The following FBN2 variants were observed in gnomAD, a reference collection of about 807,000 sequenced individuals.
FBN2 encodes fibrillin-2.
Under a neutral mutation model 355.6 loss-of-function variants are expected in FBN2, and 105 were observed. The ratio of observed to expected loss-of-function variants is 0.30; its 90% CI spans 0.25 to 0.35. The LOEUF is 0.35. Among genes scored for constraint, FBN2 ranks in the 10% least tolerant of loss-of-function variants. The pLI, the probability that FBN2 is intolerant of heterozygous loss-of-function variation, is 1.00. For synonymous variants in FBN2, 1,350 were observed against 1,301.2 expected (o/e 1.04, Z -0.81); for missense variants, 3,280 against 3,758.7 (o/e 0.87, Z 3.33).
chr5:128,356,440 A>G (rs1751505856), intron 20 of FBN2, among the ~76,000 whole-genome samples: 1 of 152,266 alleles, frequency 6.6e-6, no homozygotes, highest in Non-Finnish European at 1.5e-5. Context: ...TGGCTAGATA[A>G]TAAAAACTGC....
intron 5 of FBN2, among the ~76,000 whole-genome samples, chr5:128,492,004 C>T (rs1217537953): frequency 6.6e-6 from 1 of 151,980 alleles, no homozygotes; most frequent in Non-Finnish European, 1.5e-5. Context: ...ATAGTTTCTC[C>T]TTTTGTAAAA....
At chr5:128,502,108 G>C (rs1415629630) in intron 5 of FBN2, among the ~76,000 whole-genome samples, 1 of 152,002 alleles carries the variant, frequency 6.6e-6, no homozygotes, top group Non-Finnish European at 1.5e-5. Flanking sequence ...TCAGGCTAGA[G>C]TCAGACTTCT....
chr5:128,489,574 T>C (rs775106666), intron 5 of FBN2, among the ~76,000 whole-genome samples: 2 of 152,180 alleles, frequency 1.3e-5, no homozygotes, highest in African/African-American at 2.4e-5. Context: ...TGAGAAATGA[T>C]AAAATGATTT....
intron 7 of FBN2, among the ~76,000 whole-genome samples, chr5:128,429,936 C>T (rs993389113): frequency 3.3e-5 from 5 of 152,068 alleles, no homozygotes; most frequent in African/African-American, 1.2e-4. Flanking sequence ...TTTTCTGTTA[C>T]AAAACATCTT....
At chr5:128,287,458 C>T (rs781186638) in intron 53 of FBN2, 28 bp from the exon 54 acceptor site, 2 of 1,613,048 alleles carry the variant, frequency 1.2e-6, no homozygotes, top group East Asian at 4.5e-5. Context: ...CAGGAATGTG[C>T]TCAGCCTAGA....
intron 52 of FBN2, 81 bp from the exon 53 acceptor site, chr5:128,288,638 T>A (rs997287822): frequency 2.0e-6 from 3 of 1,517,264 alleles, no homozygotes; most frequent in Admixed American, 1.7e-5. Flanking sequence ...TGCTTGGCCC[T>A]CACCCATTTC....
At chr5:128,338,313 A>C (rs954444728) in intron 26 of FBN2, among the ~76,000 whole-genome samples, 191 bp from the exon 27 acceptor site, 7 of 152,166 alleles carry the variant, frequency 4.6e-5, no homozygotes, top group Non-Finnish European at 8.8e-5. Flanking sequence ...TCTACTCTTA[A>C]AGGTAGTAAG....
At chr5:128,269,213 G>A (rs533920886) in intron 62 of FBN2, among the ~76,000 whole-genome samples, 150 of 150,594 alleles carry the variant, frequency 1.0e-3, no homozygotes, top group African/African-American at 3.5e-3. Context: ...CCAGGAGTTC[G>A]AAACCAGCCT....
chr5:128,265,229 TCTC>T (rs1231702845), intron 62 of FBN2, among the ~76,000 whole-genome samples: 1 of 152,174 alleles, frequency 6.6e-6, no homozygotes, highest in Non-Finnish European at 1.5e-5. Context: ...GCAGTGTTTC[TCTC>T]CTAACAGGGA....
At chr5:128,364,842 T>C (rs1475358277) in intron 17 of FBN2, 117 bp from the exon 18 acceptor site, 2 of 849,502 alleles carry the variant, frequency 2.4e-6, no homozygotes, top group Non-Finnish European at 3.9e-6. Flanking sequence ...AAACTCACAA[T>C]TTGCCTGCCT....
chr5:128,525,080 T>C (rs540762244), intron 4 of FBN2, among the ~76,000 whole-genome samples: 11 of 152,224 alleles, frequency 7.2e-5, no homozygotes, highest in African/African-American at 2.6e-4. Flanking sequence ...CCCTCATACA[T>C]ACATACACAC....
rs944576479 is a variant in FBN2 at position 128,507,831 on chromosome 5, G to A, written c.628+11442C>T. ...AGCAGTGCTAAAGTTTTCTATGCCC[G>A]TATTGACTTCTTACCTACTCTCAAT... On this transcript the variant is annotated intron_variant, in intron 5 of 64. Transcript: ENST00000262464. Among the ~76,000 whole-genome samples, 8 of 152,074 alleles carry A rather than the reference G, an allele frequency of 5.3e-5. 1 individual carries two copies. Among genetic ancestry groups the A allele is most frequent in the South Asian group, 2.1e-4 (1 of 4,824 alleles).
At chr5:128,448,302 TTTTC>T (rs1396004665) in intron 6 of FBN2, among the ~76,000 whole-genome samples, 1 of 151,836 alleles carries the variant, frequency 6.6e-6, no homozygotes, top group African/African-American at 2.4e-5. Flanking sequence ...AATATCCTAA[TTTTC>T]TTTCTTTTTT....
At chr5:128,458,250 A>G (rs1754456664) in intron 6 of FBN2, among the ~76,000 whole-genome samples, 1 of 152,138 alleles carries the variant, frequency 6.6e-6, no homozygotes. Context: ...AAAGGGAACA[A>G]TTCAACAAGA....
At chr5:128,445,072 T>C (rs1378669956) in intron 7 of FBN2, among the ~76,000 whole-genome samples, 1 of 152,228 alleles carries the variant, frequency 6.6e-6, no homozygotes, top group African/African-American at 2.4e-5. Context: ...TGGGTGCTTC[T>C]TCAGGTAATT....
At chr5:128,318,092 G>C in intron 36 of FBN2, 57 bp downstream of exon 36, 3 of 1,553,482 alleles carry the variant, frequency 1.9e-6, no homozygotes, top group East Asian at 2.2e-5. Context: ...ATTATCAAGA[G>C]AGTCTGAATA....
chr5:128,393,154 T>C lies in FBN2; in HGVS notation c.1446A>G (p.Gly482=). ...ACTTACTTAGTCCAGTGATGATAGG[T>C]CCCTGTCCCCCGGCCCCCACACCGG... ...GGAGVGAGGQ[G]PIITGLTILN... The change falls in exon 10 of 65, where the codon GGA becomes GGG. Residue 482 remains glycine (G), a synonymous_variant. Transcript: ENST00000262464. 1.2e-6 allele frequency: 2 copies of C among 1,613,762 alleles called. No homozygotes were observed. Among genetic ancestry groups the C allele is most frequent in the Non-Finnish European group, 1.7e-6 (2 of 1,179,732 alleles).
chr5:128,314,037 G>A (rs749602942), intron 36 of FBN2, among the ~76,000 whole-genome samples: 6 of 151,164 alleles, frequency 4.0e-5, no homozygotes, highest in Non-Finnish European at 7.4e-5. Flanking sequence ...CTAAACTATG[G>A]TCTACTTTAC....
chr5:128,258,480 C>T lies in FBN2; in HGVS notation c.*975G>A, dbSNP rs1177858940. The T allele has an allele frequency of 6.6e-6, 1 of 152,516 alleles. No homozygotes were observed. The highest frequency in any genetic ancestry group is 6.6e-5 in the Admixed American group (1 of 15,260). The allele number at this position is 152,516 out of a possible 1,614,324, so 9.4% of individuals were successfully genotyped here. On this transcript the variant is annotated 3_prime_UTR_variant, in exon 65 of 65. Coordinates refer to ENST00000262464, the MANE Select transcript of FBN2 (RefSeq NM_001999.4). ...TGAAATAACTTGAACATAATAAATGCACCATTATTTAAGACAGCACGAAAC... is the reference window on the plus strand; with the variant it reads ...TGAAATAACTTGAACATAATAAATGTACCATTATTTAAGACAGCACGAAAC...
Sources: gnomAD v4.1 joint callset for allele counts (sites outside exome capture counted in the v4.1 genomes callset) on GRCh38, gnomAD v4.1.1 for gene constraint, MANE v1.5 for transcripts, NCBI Gene and HGNC (gene_info 2026-07-23, HGNC 2026-07-21) for gene names.